Variants in PLAC1 observed in about 807,000 individuals in gnomAD.
PLAC1 encodes placenta associated 1.
For synonymous variants in PLAC1, 68 were observed against 62.1 expected (o/e 1.09, Z -0.44); for missense variants, 136 against 163.2 (o/e 0.83, Z 0.91).
intron 2 of PLAC1, among the ~76,000 whole-genome samples, chrX:134,664,673 A>T (rs1037177134): frequency 8.9e-6 from 1 of 112,115 alleles, no homozygotes; most frequent in Admixed American, 9.4e-5. Context: ...GCAGATGAGG[A>T]CGTTGACATT....
intron 1 of PLAC1, among the ~76,000 whole-genome samples, chrX:134,643,458 C>T (rs2078316615): frequency 9.0e-6 from 1 of 111,466 alleles, no homozygotes; most frequent in Non-Finnish European, 1.9e-5. Context: ...ATATGAGGAC[C>T]GAAAACTAAC....
chrX:134,653,292 C>T (rs895423461), intron 1 of PLAC1, among the ~76,000 whole-genome samples: 12 of 112,373 alleles, frequency 1.1e-4, no homozygotes, highest in Admixed American at 6.6e-4. Context: ...ACCACCTGCT[C>T]ACCCTCCAGG....
chrX:134,675,540 C>CT (rs2078470912), intron 2 of PLAC1, among the ~76,000 whole-genome samples: 1 of 111,627 alleles, frequency 9.0e-6, no homozygotes, highest in Non-Finnish European at 1.9e-5. Flanking sequence ...TGGTGCATGC[C>CT]TGTAATCCCA....
chrX:134,748,590 G>T (rs908690586), intron 1 of PLAC1, among the ~76,000 whole-genome samples: 6 of 111,949 alleles, frequency 5.4e-5, no homozygotes, highest in Admixed American at 4.7e-4. Flanking sequence ...ATTTCTGAGT[G>T]ACTCCTTATC....
chrX:134,675,640 G>A (rs1442718205), intron 2 of PLAC1, among the ~76,000 whole-genome samples: 5 of 109,254 alleles, frequency 4.6e-5, no homozygotes, highest in East Asian at 5.7e-4. Context: ...ACTCCAGCCC[G>A]GGCAACAAGA....
chrX:134,698,309 C>T (rs1054363846), intron 2 of PLAC1, among the ~76,000 whole-genome samples: 4 of 110,286 alleles, frequency 3.6e-5, no homozygotes, highest in African/African-American at 1.3e-4. Context: ...AAAAATTAGC[C>T]GGGTGTGGTG....
chrX:134,584,343 T>C (rs2077989328), intron 2 of PLAC1, among the ~76,000 whole-genome samples: 1 of 111,959 alleles, frequency 8.9e-6, no homozygotes, highest in East Asian at 2.8e-4. Context: ...ACCCCATTCA[T>C]CATTCTGAGA....
At chrX:134,664,632 G>C (rs1259942392) in intron 2 of PLAC1, among the ~76,000 whole-genome samples, 2 of 112,420 alleles carry the variant, frequency 1.8e-5, no homozygotes, top group Non-Finnish European at 3.8e-5. Flanking sequence ...AAGGGAGCCA[G>C]AGGCCCAGAA....
At chrX:134,714,105 GT>G (rs1460168410) in intron 2 of PLAC1, among the ~76,000 whole-genome samples, 1 of 111,956 alleles carries the variant, frequency 8.9e-6, no homozygotes, top group East Asian at 2.8e-4. Flanking sequence ...CCTCAGGCCA[GT>G]CCAAATTACC....
At chrX:134,733,138 G>A (rs945821068) in intron 2 of PLAC1, among the ~76,000 whole-genome samples, 1 of 111,449 alleles carries the variant, frequency 9.0e-6, no homozygotes, top group African/African-American at 3.3e-5. Flanking sequence ...GGAAGAGCCT[G>A]AGAAACCATT....
intron 1 of PLAC1, among the ~76,000 whole-genome samples, chrX:134,749,151 T>C (rs961476068): frequency 9.0e-6 from 1 of 111,433 alleles, no homozygotes; most frequent in Non-Finnish European, 1.9e-5. Context: ...ACCCTGTCTC[T>C]ACAAAAAATA....
chrX:134,638,949 C>T (rs923928795), intron 1 of PLAC1, among the ~76,000 whole-genome samples: 2 of 111,523 alleles, frequency 1.8e-5, no homozygotes, highest in South Asian at 7.6e-4. Flanking sequence ...CCTCCACCCT[C>T]AGTTAGGCCC....
chrX:134,597,540 T>C (rs2078067866), intron 2 of PLAC1, among the ~76,000 whole-genome samples: 1 of 112,417 alleles, frequency 8.9e-6, no homozygotes, highest in Non-Finnish European at 1.9e-5. Context: ...TGATGAATGA[T>C]TTTCAACTGA....
chrX:134,746,018 C>A (rs1373428010), intron 1 of PLAC1, among the ~76,000 whole-genome samples: 3 of 111,630 alleles, frequency 2.7e-5, no homozygotes, highest in Non-Finnish European at 5.6e-5. Flanking sequence ...TTCCCCTCCC[C>A]ACCTCTCCCT....
At chrX:134,653,598 C>A (rs1250829515) in intron 1 of PLAC1, among the ~76,000 whole-genome samples, 3 of 110,953 alleles carry the variant, frequency 2.7e-5, no homozygotes, top group Non-Finnish European at 5.7e-5. Flanking sequence ...TTCTAGGACA[C>A]CTGAAGAGAC....
At chrX:134,731,196 A>C (rs2078687920) in intron 2 of PLAC1, among the ~76,000 whole-genome samples, 1 of 112,166 alleles carries the variant, frequency 8.9e-6, no homozygotes, top group Non-Finnish European at 1.9e-5. Context: ...CATTGTTTTT[A>C]ATTCCAGCAC....
At chrX:134,578,435 G>GAA (rs76054928) in intron 2 of PLAC1, among the ~76,000 whole-genome samples, 107 of 76,897 alleles carry the variant, frequency 1.4e-3, no homozygotes, top group African/African-American at 4.8e-3. Flanking sequence ...AAAAAGAAAA[G>GAA]AAAAAAAAAC....
At chrX:134,645,893 C>T (rs2078330616) in intron 1 of PLAC1, among the ~76,000 whole-genome samples, 1 of 111,573 alleles carries the variant, frequency 9.0e-6, no homozygotes, top group East Asian at 2.8e-4. Context: ...TCAGGCTTCT[C>T]TCTGCATAGC....
intron 2 of PLAC1, among the ~76,000 whole-genome samples, chrX:134,724,811 T>C (rs1307311205): frequency 9.0e-6 from 1 of 111,577 alleles, no homozygotes; most frequent in African/African-American, 3.3e-5. Context: ...GAGACCAGCC[T>C]GGGCAAGATG....
Sources: gnomAD v4.1 joint callset for allele counts (sites outside exome capture counted in the v4.1 genomes callset) on GRCh38, gnomAD v4.1.1 for gene constraint, MANE v1.5 for transcripts, NCBI Gene and HGNC (gene_info 2026-07-23, HGNC 2026-07-21) for gene names.